ALK: variants seen among roughly 807,000 people sequenced by gnomAD.
ALK encodes ALK tyrosine kinase receptor.
A neutral mutation model predicts 163.1 loss-of-function variants in ALK; 74 were observed. The observed-to-expected ratio is 0.45, with a 90% confidence interval of 0.38 to 0.55. The LOEUF is 0.55. Ranked by LOEUF, ALK falls within the 20% of genes least tolerant of loss-of-function variation. The probability of loss-of-function intolerance (pLI) is 0.00; values close to 1 mark genes in which losing one functional copy is unlikely to be tolerated. For missense variants in ALK, 2,063 were observed against 2,105.3 expected (o/e 0.98, Z 0.39); for synonymous variants, 960 against 843.2 (o/e 1.14, Z -2.40).
At chr2:29,784,532 C>T (rs1397956503) in intron 1 of ALK, among the ~76,000 whole-genome samples, 3 of 152,112 alleles carry the variant, frequency 2.0e-5, no homozygotes, top group Non-Finnish European at 4.4e-5. Flanking sequence ...CCTGTCTCTA[C>T]TAAAAGTACA....
At chr2:29,638,289 A>G (rs1676602646) in intron 3 of ALK, among the ~76,000 whole-genome samples, 1 of 152,236 alleles carries the variant, frequency 6.6e-6, no homozygotes, top group African/African-American at 2.4e-5. Flanking sequence ...GGGGCACAGA[A>G]CATGACTGTA....
chr2:29,225,623 T>C, intron 18 of ALK, 58 bp from the exon 19 acceptor site: 1 of 1,452,020 alleles, frequency 6.9e-7, no homozygotes, highest in Non-Finnish European at 9.5e-7. Flanking sequence ...TTTGAGTTGG[T>C]CCCAAGTCAG....
chr2:29,908,950 GA>G (rs146009310), intron 1 of ALK, among the ~76,000 whole-genome samples: 3,591 of 151,172 alleles, frequency 0.024, 145 homozygotes, highest in African/African-American at 0.083. Flanking sequence ...CAATTTAAAA[GA>G]AAAAAAAACT....
At chr2:29,396,249 A>G (rs1394542948) in intron 4 of ALK, among the ~76,000 whole-genome samples, 2 of 152,162 alleles carry the variant, frequency 1.3e-5, no homozygotes, top group East Asian at 3.9e-4. Flanking sequence ...AGATGTTAAG[A>G]GGGGTCTGAG....
At chr2:29,828,710 G>A (rs1473313988) in intron 1 of ALK, among the ~76,000 whole-genome samples, 1 of 152,128 alleles carries the variant, frequency 6.6e-6, no homozygotes, top group Non-Finnish European at 1.5e-5. Context: ...CTTTTACACT[G>A]TTGGTGGGAC....
At position 29,214,207 on chromosome 2, in the gene ALK, G is replaced by A. The variant is rs114194052; in HGVS notation, c.3646-126C>T. The A allele has an allele frequency of 1.8e-3, 1,379 of 785,098 alleles. 20 individuals carry two copies. In the African/African-American group the frequency reaches 0.021, roughly 12 times the overall value. The allele number at this position is 785,098 out of a possible 1,614,324, so 48.6% of individuals were successfully genotyped here. On this transcript the variant is annotated intron_variant, in intron 23 of 28. Transcript: ENST00000389048. Reference sequence around the variant, plus strand: ...AACATGCAGCTACACCAGGGGCCTCGGCCCTGGCTGCACATTAGAAATCAC... The same window carrying A: ...AACATGCAGCTACACCAGGGGCCTCAGCCCTGGCTGCACATTAGAAATCAC...
intron 3 of ALK, among the ~76,000 whole-genome samples, chr2:29,614,179 G>C (rs779362037): frequency 1.1e-4 from 16 of 152,122 alleles, no homozygotes; most frequent in Non-Finnish European, 2.2e-4. Context: ...CTGCTGACGA[G>C]GGCTGCCTGC....
At chr2:29,836,334 C>T (rs1010132906) in intron 1 of ALK, among the ~76,000 whole-genome samples, 1 of 152,174 alleles carries the variant, frequency 6.6e-6, no homozygotes, top group African/African-American at 2.4e-5. Flanking sequence ...CTACCTCTTG[C>T]TCATACTACC....
intron 12 of ALK, 90 bp downstream of exon 12, chr2:29,251,015 G>GGCA: frequency 7.2e-7 from 1 of 1,386,876 alleles, no homozygotes; most frequent in Non-Finnish European, 9.9e-7. Context: ...GACATGCCTG[G>GGCA]GCACCCCAGG....
At chr2:29,762,772 C>A (rs1487575170) in intron 1 of ALK, among the ~76,000 whole-genome samples, 3 of 152,140 alleles carry the variant, frequency 2.0e-5, no homozygotes, top group Non-Finnish European at 4.4e-5. Context: ...TAGTTCCAAG[C>A]ATCTATGGCA....
intron 4 of ALK, among the ~76,000 whole-genome samples, chr2:29,391,507 G>T (rs143618939): frequency 6.7e-4 from 102 of 152,238 alleles, no homozygotes; most frequent in Admixed American, 1.3e-3. Context: ...CCCCGTGTTG[G>T]CCAGGTTGGT....
chr2:29,497,334 T>C (rs564609378), intron 4 of ALK, among the ~76,000 whole-genome samples: 2 of 152,196 alleles, frequency 1.3e-5, no homozygotes, highest in Admixed American at 6.5e-5. Flanking sequence ...CAGAGCCCTG[T>C]GAATGTTCTC....
chr2:29,340,962 A>G lies in ALK; in HGVS notation c.1283-12481T>C, dbSNP rs565888538. Among the ~76,000 whole-genome samples, 8 of 152,262 alleles carry G rather than the reference A, an allele frequency of 5.3e-5. No individual in the cohort carries two copies. The South Asian group carries it at 8.3e-4, about 16-fold the overall frequency. The stretch of plus-strand genomic sequence containing the variant: ...TTGGTAGTCTGTCTGCCTGACTAGC[A>G]CTCAGGGGATGGAGAACTTAGCGTG... On this transcript the variant is annotated intron_variant, in intron 5 of 28. Transcript: ENST00000389048.
chr2:29,830,670 A>G (rs1665342915), intron 1 of ALK, among the ~76,000 whole-genome samples: 1 of 136,880 alleles, frequency 7.3e-6, no homozygotes, highest in South Asian at 2.6e-4. Context: ...GGAGTTGAAG[A>G]CCAGCCTGGA....
intron 1 of ALK, among the ~76,000 whole-genome samples, chr2:29,736,301 C>G (rs997783340): frequency 6.6e-6 from 1 of 151,902 alleles, no homozygotes; most frequent in Non-Finnish European, 1.5e-5. Flanking sequence ...CAGTAATTGC[C>G]TTTCAATGGT....
intron 1 of ALK, among the ~76,000 whole-genome samples, chr2:29,879,642 C>T (rs891505584): frequency 6.6e-6 from 1 of 152,164 alleles, no homozygotes; most frequent in Non-Finnish European, 1.5e-5. Context: ...CAGCTTGACT[C>T]AAACAATGGG....
rs541248958 is a variant in ALK at position 29,421,162 on chromosome 2, G to T, written c.1155-37303C>A. 4.6e-5 allele frequency among the ~76,000 whole-genome samples: 7 copies of T among 151,620 alleles called. 1 individual carries two copies. Among genetic ancestry groups the T allele is most frequent in the African/African-American group, 1.2e-4 (5 of 40,920 alleles). On this transcript the variant is annotated intron_variant, in intron 4 of 28. Coordinates refer to ENST00000389048, the MANE Select transcript of ALK (RefSeq NM_004304.5). Reference sequence around the variant, plus strand: ...CAACGGACATCCTCTGCTGGTACTGGAAGCTGCAGATCCTTCAATCCACAA... The same window carrying T: ...CAACGGACATCCTCTGCTGGTACTGTAAGCTGCAGATCCTTCAATCCACAA...
rs79559144 is a variant in ALK, at chr2:29,898,261, G to A, written c.667+21732C>T. Reference sequence around the variant, plus strand: ...TTCCAAGTTTTAGGTTTGAAAATACGGGGAAAGGCCACATTCCTAAACAAA... The same window carrying A: ...TTCCAAGTTTTAGGTTTGAAAATACAGGGAAAGGCCACATTCCTAAACAAA... On this transcript the variant is annotated intron_variant, in intron 1 of 28. Transcript: ENST00000389048. Among the ~76,000 whole-genome samples the A allele has an allele frequency of 6.8e-4, 104 of 152,264 alleles. 1 individual carries two copies. The highest frequency in any genetic ancestry group is 2.3e-3 in the African/African-American group (96 of 41,560).
chr2:29,440,963 T>C (rs2148081216), intron 4 of ALK, among the ~76,000 whole-genome samples: 1 of 152,320 alleles, frequency 6.6e-6, no homozygotes, highest in East Asian at 1.9e-4. Flanking sequence ...CTTTCCTGAC[T>C]CCTGTGTGCC....
Sources: gnomAD v4.1 joint callset for allele counts (sites outside exome capture counted in the v4.1 genomes callset) on GRCh38, gnomAD v4.1.1 for gene constraint, MANE v1.5 for transcripts, NCBI Gene and HGNC (gene_info 2026-07-23, HGNC 2026-07-21) for gene names.